The following WDR48 variants were observed in gnomAD, a reference collection of about 807,000 sequenced individuals.
WDR48 encodes WD repeat-containing protein 48.
WDR48 carries 22 observed loss-of-function variants against 94.0 expected under a neutral mutation model. The ratio of observed to expected loss-of-function variants is 0.23; its 90% CI spans 0.17 to 0.33. WDR48 has a LOEUF of 0.33. Among genes scored for constraint, WDR48 ranks in the 10% least tolerant of loss-of-function variants. The probability of loss-of-function intolerance (pLI) is 1.00; values close to 1 mark genes in which losing one functional copy is unlikely to be tolerated. For missense variants in WDR48, 541 were observed against 813.8 expected, an observed-to-expected ratio of 0.66 and a Z score of 4.08; for synonymous variants, 278 against 280.5, an observed-to-expected ratio of 0.99 and a Z score of 0.09.
intron 1 of WDR48, among the ~76,000 whole-genome samples, chr3:39,054,500 G>A (rs1179810120): frequency 1.3e-5 from 2 of 152,232 alleles, no homozygotes; most frequent in Non-Finnish European, 2.9e-5. Context: ...TGCTGTTTGT[G>A]TACCTGACTT....
In WDR48 at chr3:39,085,561, T is replaced by A. The variant is rs2034769854; in HGVS notation, c.1425T>A (p.Pro475=). The part of the protein sequence containing the change: ...LLLQALLEYW[P]RTHVNPMDEE... ...TCCAAGCACTCCTGGAATATTGGCC[T>A]AGAACACATGTGAATCCAATGGATG... Residue 475 remains proline (P), a synonymous_variant, in exon 14 of 19, where the codon CCT becomes CCA. Coordinates refer to ENST00000302313, the MANE Select transcript of WDR48 (RefSeq NM_020839.4). 6.2e-7 allele frequency: 1 copy of A among 1,612,636 alleles called. No individual in the cohort carries two copies. The highest frequency in any genetic ancestry group is 1.7e-5 in the Admixed American group (1 of 59,694).
chr3:39,063,461 T>A (rs529965296), intron 2 of WDR48, among the ~76,000 whole-genome samples: 33 of 152,246 alleles, frequency 2.2e-4, no homozygotes, highest in Non-Finnish European at 4.3e-4. Flanking sequence ...GTGATTTGGC[T>A]AGTAGGGGGA....
intron 12 of WDR48, among the ~76,000 whole-genome samples, 164 bp from the exon 13 acceptor site, chr3:39,084,481 C>G (rs1044535811): frequency 6.6e-6 from 1 of 152,032 alleles, no homozygotes; most frequent in African/African-American, 2.4e-5. Context: ...TTTGGTATCC[C>G]AGGAAACTAA....
chr3:39,059,979 A>T (rs1157140959), intron 1 of WDR48, among the ~76,000 whole-genome samples: 1 of 152,102 alleles, frequency 6.6e-6, no homozygotes, highest in Non-Finnish European at 1.5e-5. Context: ...TTTTATAAGG[A>T]ATCTTGTTAA....
intron 14 of WDR48, 100 bp from the exon 15 acceptor site, chr3:39,088,028 A>T (rs2034897458): frequency 8.8e-7 from 1 of 1,133,002 alleles, no homozygotes; most frequent in Non-Finnish European, 1.3e-6. Flanking sequence ...GGACATTTGA[A>T]TTTAATCTTG....
At chr3:39,092,649 G>T (rs1014558781) in intron 17 of WDR48, among the ~76,000 whole-genome samples, 8 of 152,094 alleles carry the variant, frequency 5.3e-5, no homozygotes, top group African/African-American at 1.9e-4. Context: ...CCCAAGAGAA[G>T]AATTTTAGTA....
intron 2 of WDR48, among the ~76,000 whole-genome samples, chr3:39,064,415 C>T (rs764381699): frequency 8.5e-5 from 13 of 152,050 alleles, no homozygotes; most frequent in Non-Finnish European, 1.5e-4. Flanking sequence ...GCTGGGACTA[C>T]AGGCACACGC....
At chr3:39,080,781 G>T (rs1199061301) in intron 11 of WDR48, among the ~76,000 whole-genome samples, 2 of 152,182 alleles carry the variant, frequency 1.3e-5, no homozygotes, top group Non-Finnish European at 1.5e-5. Flanking sequence ...ATGCATAATG[G>T]GAGTAGAAGG....
Position 39,095,106 on chromosome 3 carries a change from A to G in WDR48, c.*363A>G, listed in dbSNP as rs1202522408. On this transcript the variant is annotated 3_prime_UTR_variant, in exon 19 of 19. Coordinates refer to ENST00000302313, the MANE Select transcript of WDR48 (RefSeq NM_020839.4). The stretch of plus-strand genomic sequence containing the variant: ...TTAGAGACACCTCAGTCGGGCCACA[A>G]CTGTCTCTGTTTCAACTTTAAGCCC... 8 of 237,466 alleles carry G rather than the reference A, an allele frequency of 3.4e-5. No homozygotes were observed. Among genetic ancestry groups the G allele is most frequent in the South Asian group, 1.0e-4 (1 of 9,888 alleles). The allele number at this position is 237,466 out of a possible 1,614,324, so 14.7% of individuals were successfully genotyped here. A position where few individuals can be genotyped will look rare whatever the true frequency, so the allele number is the denominator to read the frequency against.
At chr3:39,053,572 C>T (rs962707555) in intron 1 of WDR48, among the ~76,000 whole-genome samples, 3 of 151,998 alleles carry the variant, frequency 2.0e-5, no homozygotes, top group Non-Finnish European at 4.4e-5. Flanking sequence ...AAAAGTAACC[C>T]GATTGTATTA....
At chr3:39,078,391 T>G in intron 10 of WDR48, 152 bp downstream of exon 10, 1 of 648,220 alleles carries the variant, frequency 1.5e-6, no homozygotes, top group South Asian at 2.0e-5. Flanking sequence ...AGGAAAAGGT[T>G]TTTTTTTGTT....
At position 39,086,630 on chromosome 3, in the gene WDR48, T is replaced by G. The variant is rs1399577829; in HGVS notation, c.1474+1020T>G. Among the ~76,000 whole-genome samples the G allele has an allele frequency of 2.0e-5, 3 of 152,312 alleles. No individual in the cohort carries two copies. The East Asian group carries it at 5.8e-4, about 29-fold the overall frequency. On this transcript the variant is annotated intron_variant, in intron 14 of 18. Transcript: ENST00000302313. ...CTAAAGAAACTGATGGAAAAATCTT[T>G]CCACAGAGGGTCAAGAAAGCTAGGT...
chr3:39,077,898 A>C, intron 9 of WDR48: 1 of 379,164 alleles, frequency 2.6e-6, no homozygotes, highest in East Asian at 4.9e-5. Context: ...TTTTACCTGG[A>C]AGAGCACTCC....
At chr3:39,092,773 G>T (rs987623348) in intron 17 of WDR48, among the ~76,000 whole-genome samples, 11 of 152,080 alleles carry the variant, frequency 7.2e-5, no homozygotes, top group African/African-American at 2.7e-4. Flanking sequence ...AAAGAAGCTA[G>T]TGAGCCCCCA....
At chr3:39,070,882 TC>T (rs2033893589) in intron 7 of WDR48, among the ~76,000 whole-genome samples, 1 of 152,028 alleles carries the variant, frequency 6.6e-6, no homozygotes, top group Admixed American at 6.6e-5. Context: ...CCTTCCTGTG[TC>T]CATGTGTTCT....
intron 13 of WDR48, 21 bp from the exon 14 acceptor site, chr3:39,085,494 T>G (rs1239242858): frequency 1.3e-6 from 2 of 1,593,088 alleles, no homozygotes; most frequent in Non-Finnish European, 8.6e-7. Context: ...TTTTATCTCT[T>G]TTTAATTAAC....
chr3:39,063,820 C>T (rs1265870457), intron 2 of WDR48, among the ~76,000 whole-genome samples: 1 of 152,056 alleles, frequency 6.6e-6, no homozygotes, highest in Non-Finnish European at 1.5e-5. Flanking sequence ...TGGTGGCACA[C>T]ACCTGTAGTC....
chr3:39,064,248 G>A (rs2033454485), intron 2 of WDR48, among the ~76,000 whole-genome samples: 1 of 151,106 alleles, frequency 6.6e-6, no homozygotes, highest in African/African-American at 2.4e-5. Flanking sequence ...GTCCCTCAAG[G>A]TACCTATTAG....
intron 11 of WDR48, among the ~76,000 whole-genome samples, chr3:39,082,192 TA>T (rs1218519480): frequency 6.6e-6 from 1 of 152,136 alleles, no homozygotes; most frequent in African/African-American, 2.4e-5. Flanking sequence ...TGAAAGGTGA[TA>T]TTTGTCTAGA....
Sources: allele counts gnomAD v4.1 joint callset (sites outside exome capture counted in the v4.1 genomes callset), GRCh38; gene constraint gnomAD v4.1.1; transcripts MANE v1.5; gene names NCBI Gene and HGNC (gene_info 2026-07-23, HGNC 2026-07-21).